ERICH6B: variants seen among roughly 807,000 people sequenced by gnomAD.
The protein encoded by ERICH6B is glutamate-rich protein 6B.
A neutral mutation model predicts 80.0 loss-of-function variants in ERICH6B; 69 were observed. The observed-to-expected ratio is 0.86, with a 90% CI of 0.71 to 1.05. The LOEUF is 1.05. ERICH6B is among the 50% of genes least tolerant of loss of function. ERICH6B has a pLI of 0.00. For synonymous variants in ERICH6B, 283 were observed against 291.9 expected, an observed-to-expected ratio of 0.97 and a Z score of 0.31; for missense variants, 754 against 796.1, an observed-to-expected ratio of 0.95 and a Z score of 0.64.
chr13:45,568,588 G>T, intron 8 of ERICH6B, 137 bp from the exon 9 acceptor site: 1 of 838,286 alleles, frequency 1.2e-6, no homozygotes, highest in Non-Finnish European at 1.8e-6. Flanking sequence ...GGAACCAGGG[G>T]CAGGGGGAGG....
chr13:45,613,976 T>G (rs1004050701), intron 1 of ERICH6B, among the ~76,000 whole-genome samples: 28 of 152,150 alleles, frequency 1.8e-4, no homozygotes, highest in African/African-American at 6.3e-4. Context: ...AGGGTCTGTC[T>G]TAGCAGGATA....
intron 5 of ERICH6B, among the ~76,000 whole-genome samples, chr13:45,582,511 T>C (rs958782378): frequency 6.6e-6 from 1 of 152,238 alleles, no homozygotes; most frequent in African/African-American, 2.4e-5. Context: ...CTGATGTTTC[T>C]GCCTGCCAAA....
At chr13:45,554,808 T>A (rs1472528736) in intron 11 of ERICH6B, among the ~76,000 whole-genome samples, 1 of 152,200 alleles carries the variant, frequency 6.6e-6, no homozygotes, top group Non-Finnish European at 1.5e-5. Context: ...GAGCTCACCA[T>A]GGCTGCTGTG....
intron 4 of ERICH6B, among the ~76,000 whole-genome samples, chr13:45,587,891 G>A (rs1002255713): frequency 1.3e-5 from 2 of 152,196 alleles, no homozygotes; most frequent in Non-Finnish European, 2.9e-5. Flanking sequence ...TGGCCCTGGA[G>A]TTATTTCATG....
chr13:45,560,263 C>T (rs1195864946), intron 11 of ERICH6B, among the ~76,000 whole-genome samples: 2 of 152,144 alleles, frequency 1.3e-5, no homozygotes, highest in Non-Finnish European at 2.9e-5. Context: ...AGTTTTCACT[C>T]AGATCTTTGT....
chr13:45,593,633 G>A (rs1200913808), intron 3 of ERICH6B, among the ~76,000 whole-genome samples: 2 of 152,102 alleles, frequency 1.3e-5, no homozygotes, highest in Admixed American at 6.5e-5. Flanking sequence ...GAGAGAGCTG[G>A]CATTCAAACC....
chr13:45,556,585 T>A (rs1177251387), intron 11 of ERICH6B, among the ~76,000 whole-genome samples: 1 of 152,158 alleles, frequency 6.6e-6, no homozygotes, highest in East Asian at 1.9e-4. Flanking sequence ...CAAAGTCTAT[T>A]GTGTCATTCT....
intron 9 of ERICH6B, among the ~76,000 whole-genome samples, chr13:45,567,998 GGT>G (rs1156750629): frequency 6.6e-6 from 1 of 152,188 alleles, no homozygotes; most frequent in Non-Finnish European, 1.5e-5. Context: ...ACAAGTTCAT[GGT>G]CCCTGCAAGC....
At chr13:45,546,789 C>A (rs1022249901) in intron 13 of ERICH6B, among the ~76,000 whole-genome samples, 1 of 152,180 alleles carries the variant, frequency 6.6e-6, no homozygotes, top group Non-Finnish European at 1.5e-5. Context: ...AACACAGGGG[C>A]CTCATCGGAG....
intron 11 of ERICH6B, among the ~76,000 whole-genome samples, chr13:45,554,497 C>G (rs1425744065): frequency 1.3e-5 from 2 of 152,164 alleles, no homozygotes; most frequent in Non-Finnish European, 2.9e-5. Flanking sequence ...TTTTCAAAAG[C>G]CACCCAAAAG....
At chr13:45,606,539 A>AGT (rs1949865781) in intron 2 of ERICH6B, among the ~76,000 whole-genome samples, 1 of 11,450 alleles carries the variant, frequency 8.7e-5, no homozygotes, top group African/African-American at 2.1e-4. Flanking sequence ...ATATATATAT[A>AGT]TATATATATT....
chr13:45,554,217 A>G (rs1447460497), intron 11 of ERICH6B, among the ~76,000 whole-genome samples: 15 of 152,180 alleles, frequency 9.9e-5, no homozygotes, highest in Non-Finnish European at 5.9e-5. Flanking sequence ...GTCATAAAGT[A>G]TTTGACTTTC....
intron 3 of ERICH6B, among the ~76,000 whole-genome samples, chr13:45,592,520 C>T (rs910432615): frequency 1.3e-5 from 2 of 152,202 alleles, no homozygotes; most frequent in South Asian, 2.1e-4. Context: ...GCATTTAGGC[C>T]AGACGGCATT....
chr13:45,555,804 T>C (rs1319583608), intron 11 of ERICH6B, among the ~76,000 whole-genome samples: 1 of 152,054 alleles, frequency 6.6e-6, no homozygotes, highest in African/African-American at 2.4e-5. Context: ...GGGAAGCATT[T>C]GCTTCAGAAG....
At chr13:45,566,172 C>A (rs529113505) in intron 9 of ERICH6B, among the ~76,000 whole-genome samples, 1 of 152,262 alleles carries the variant, frequency 6.6e-6, no homozygotes, top group East Asian at 1.9e-4. Flanking sequence ...TTCTAAGCAG[C>A]AAAGCATTCA....
rs540189196 is a variant in ERICH6B, at chr13:45,566,501, G to C, written c.1187+1814C>G. ...TGTTGTGTGCGGCCTAGGGGACTTG[G>C]TGCCTTGCATACCAGCTGCTCCAGC... On this transcript the variant is annotated intron_variant, in intron 9 of 14. Transcript: ENST00000298738. Among the ~76,000 whole-genome samples, 3 of 152,368 alleles carry C rather than the reference G, an allele frequency of 2.0e-5. No individual in the cohort carries two copies. In the South Asian group the frequency reaches 6.2e-4, roughly 32 times the overall value.
At chr13:45,610,032 T>C (rs1212739022) in intron 1 of ERICH6B, among the ~76,000 whole-genome samples, 2 of 152,138 alleles carry the variant, frequency 1.3e-5, no homozygotes, top group African/African-American at 4.8e-5. Context: ...ACCACCTTTG[T>C]AAAGCTAATG....
chr13:45,563,868 T>G, intron 9 of ERICH6B, 80 bp from the exon 10 acceptor site: 1 of 1,206,216 alleles, frequency 8.3e-7, no homozygotes, highest in Non-Finnish European at 1.2e-6. Context: ...CAGACAGTAC[T>G]GGAGCCTGCA....
At chr13:45,542,115 G>A (rs1005735293) in intron 14 of ERICH6B, among the ~76,000 whole-genome samples, 3 of 152,182 alleles carry the variant, frequency 2.0e-5, no homozygotes, top group Non-Finnish European at 4.4e-5. Flanking sequence ...TCTGGGTTTT[G>A]TTGAGATGAA....
Sources: gnomAD v4.1 joint callset for allele counts (sites outside exome capture counted in the v4.1 genomes callset) on GRCh38, gnomAD v4.1.1 for gene constraint, MANE v1.5 for transcripts, NCBI Gene and HGNC (gene_info 2026-07-23, HGNC 2026-07-21) for gene names.